Variants in CNOT6L observed in about 807,000 individuals in gnomAD.
The protein encoded by CNOT6L is CCR4-NOT transcription complex subunit 6-like.
Under a neutral mutation model 64.0 loss-of-function variants are expected in CNOT6L, and 7 were observed. The ratio of observed to expected loss-of-function variants is 0.11; its 90% CI spans 0.06 to 0.21. CNOT6L has a LOEUF of 0.21. Among genes scored for constraint, CNOT6L ranks in the 10% least tolerant of loss-of-function variants. The pLI is 1.00. For missense variants in CNOT6L, 245 were observed against 669.0 expected (o/e 0.37, Z 6.99); for synonymous variants, 193 against 243.4 (o/e 0.79, Z 1.93).
intron 1 of CNOT6L, among the ~76,000 whole-genome samples, chr4:77,783,344 T>G (rs1338632382): frequency 6.6e-6 from 1 of 152,224 alleles, no homozygotes; most frequent in African/African-American, 2.4e-5. Context: ...AGTGAACAAG[T>G]TGGACATTGT....
At chr4:77,780,634 G>A (rs2110079846) in intron 1 of CNOT6L, among the ~76,000 whole-genome samples, 1 of 152,232 alleles carries the variant, frequency 6.6e-6, no homozygotes, top group East Asian at 1.9e-4. Flanking sequence ...TCCTAGATAA[G>A]GAACCCGATT....
At chr4:77,728,713 C>G in intron 10 of CNOT6L, 141 bp downstream of exon 10, 1 of 670,016 alleles carries the variant, frequency 1.5e-6, no homozygotes, top group Non-Finnish European at 2.6e-6. Context: ...ATTAAACTCT[C>G]TTCTATTACC....
At chr4:77,785,740 A>G (rs972040336) in intron 1 of CNOT6L, among the ~76,000 whole-genome samples, 1 of 152,216 alleles carries the variant, frequency 6.6e-6, no homozygotes, top group Non-Finnish European at 1.5e-5. Context: ...ATAAATGACA[A>G]TATCTAGTGC....
rs573192583 is a variant in CNOT6L at position 77,806,458 on chromosome 4, C to T, written c.5+12846G>A. 9.2e-5 allele frequency among the ~76,000 whole-genome samples: 14 copies of T among 152,110 alleles called. No individual in the cohort carries two copies. In the South Asian group the frequency reaches 2.3e-3, roughly 25 times the overall value. On this transcript the variant is annotated intron_variant, in intron 1 of 11. Transcript: ENST00000504123. ...AAAAAAGATTAATTTCAAACTGCCA[C>T]CAACCTGTTCAAAATCATTCCATGG...
At chr4:77,739,189 GAT>G (rs1723310482) in intron 8 of CNOT6L, among the ~76,000 whole-genome samples, 1 of 152,156 alleles carries the variant, frequency 6.6e-6, no homozygotes, top group Non-Finnish European at 1.5e-5. Context: ...TGGCAATTAT[GAT>G]AGTTTCCATT....
chr4:77,734,123 T>C (rs1230367190), intron 8 of CNOT6L, among the ~76,000 whole-genome samples: 1 of 152,180 alleles, frequency 6.6e-6, no homozygotes, highest in African/African-American at 2.4e-5. Context: ...GAAAGTCATA[T>C]TGTAAGCCAA....
intron 4 of CNOT6L, among the ~76,000 whole-genome samples, chr4:77,769,929 C>G (rs1402318052): frequency 6.6e-6 from 1 of 152,066 alleles, no homozygotes; most frequent in African/African-American, 2.4e-5. Context: ...AAAGTATTGC[C>G]TTACACCTTA....
At chr4:77,792,251 C>T (rs1032687571) in intron 1 of CNOT6L, among the ~76,000 whole-genome samples, 18 of 151,878 alleles carry the variant, frequency 1.2e-4, no homozygotes, top group Non-Finnish European at 2.2e-4. Context: ...TGTTAACCAC[C>T]GATAACCTCC....
At chr4:77,799,532 C>A (rs951182916) in intron 1 of CNOT6L, among the ~76,000 whole-genome samples, 1 of 151,864 alleles carries the variant, frequency 6.6e-6, no homozygotes, top group South Asian at 2.1e-4. Context: ...TGGTGAAACC[C>A]CGTTTCTACT....
intron 9 of CNOT6L, among the ~76,000 whole-genome samples, 188 bp downstream of exon 9, chr4:77,731,199 C>T (rs1419122668): frequency 6.6e-6 from 1 of 152,056 alleles, no homozygotes; most frequent in Admixed American, 6.6e-5. Context: ...TGATAGAGAG[C>T]ACAAAATATC....
Position 77,715,901 on chromosome 4 carries a change from GAATT to G in CNOT6L, c.*4526_*4529del, listed in dbSNP as rs901077345. 6.6e-6 allele frequency: 1 copy of G among 152,356 alleles called. No homozygotes were observed. Among genetic ancestry groups the G allele is most frequent in the Non-Finnish European group, 1.5e-5 (1 of 67,890 alleles). The allele number at this position is 152,356 out of a possible 1,614,324, so 9.4% of individuals were successfully genotyped here. ...AGATTAAAGATGTACTAAAATGTTT[GAATT>G]AATTTTGGTGATCATGATGCTATTA... is the stretch of plus-strand genomic sequence containing the variant. On this transcript the variant is annotated 3_prime_UTR_variant, in exon 12 of 12. Transcript: ENST00000504123.
intron 1 of CNOT6L, among the ~76,000 whole-genome samples, chr4:77,800,347 A>G (rs114038111): frequency 6.7e-6 from 1 of 150,134 alleles, no homozygotes; most frequent in African/African-American, 2.4e-5. Context: ...ACCAAAAAAA[A>G]TTTTTTTTTT....
At chr4:77,761,621 G>A (rs1726253140) in intron 4 of CNOT6L, among the ~76,000 whole-genome samples, 1 of 152,130 alleles carries the variant, frequency 6.6e-6, no homozygotes, top group Admixed American at 6.5e-5. Flanking sequence ...GGGGAAGAAG[G>A]AAAAATTATT....
intron 5 of CNOT6L, among the ~76,000 whole-genome samples, chr4:77,753,575 G>A (rs1051314670): frequency 2.6e-5 from 4 of 152,044 alleles, no homozygotes; most frequent in African/African-American, 9.7e-5. Flanking sequence ...GGAGGCTGAA[G>A]CAGGAGAATC....
intron 1 of CNOT6L, among the ~76,000 whole-genome samples, chr4:77,813,004 A>C (rs1733130510): frequency 6.6e-6 from 1 of 152,200 alleles, no homozygotes; most frequent in Non-Finnish European, 1.5e-5. Flanking sequence ...AAACATATAA[A>C]TCAATGAAAT....
rs1251394762 is a variant in CNOT6L at position 77,714,481 on chromosome 4, C to G, written c.*5950G>C. The G allele has an allele frequency of 7.3e-6, 1 of 137,688 alleles. No homozygotes were observed. Among genetic ancestry groups the G allele is most frequent in the Non-Finnish European group, 1.6e-5 (1 of 64,418 alleles). The allele number at this position is 137,688 out of a possible 1,614,324, so 8.5% of individuals were successfully genotyped here. A position where few individuals can be genotyped will look rare whatever the true frequency, so the allele number is the denominator to read the frequency against. The stretch of plus-strand genomic sequence containing the variant: ...AAAAAAAAAAAAAAAAAAAAGCCCT[C>G]CATACTTCCCCACTCCAGAGACAAC... On this transcript the variant is annotated 3_prime_UTR_variant, in exon 12 of 12. Coordinates refer to ENST00000504123, the MANE Select transcript of CNOT6L (RefSeq NM_144571.3).
chr4:77,819,139 GAC>G, intron 1 of CNOT6L, 163 bp downstream of exon 1: 5 of 1,274,466 alleles, frequency 3.9e-6, no homozygotes, highest in Non-Finnish European at 5.4e-6. Context: ...CCAGTCACCC[GAC>G]ACACACCCAC....
intron 8 of CNOT6L, among the ~76,000 whole-genome samples, chr4:77,737,831 T>G (rs1048588817): frequency 6.6e-6 from 1 of 152,132 alleles, no homozygotes; most frequent in African/African-American, 2.4e-5. Flanking sequence ...GAAACTGTAG[T>G]ACAAAGTCGT....
intron 5 of CNOT6L, among the ~76,000 whole-genome samples, chr4:77,755,989 T>A (rs899426283): frequency 6.6e-6 from 1 of 151,556 alleles, no homozygotes; most frequent in Non-Finnish European, 1.5e-5. Flanking sequence ...TTGTTTTTAA[T>A]ATATATTTTT....
Sources: allele counts gnomAD v4.1 joint callset (sites outside exome capture counted in the v4.1 genomes callset), GRCh38; gene constraint gnomAD v4.1.1; transcripts MANE v1.5; gene names NCBI Gene and HGNC (gene_info 2026-07-23, HGNC 2026-07-21).